Variants in FOXO3 observed in about 807,000 individuals in gnomAD.
FOXO3 encodes the protein forkhead box protein O3.
FOXO3 carries 4 observed loss-of-function variants against 41.9 expected under a neutral mutation model. The observed-to-expected ratio is 0.10, with a 90% CI of 0.05 to 0.22. The LOEUF is 0.22. Ranked by LOEUF, FOXO3 falls within the 10% of genes least tolerant of loss-of-function variation. The pLI, the probability that FOXO3 is intolerant of heterozygous loss-of-function variation, is 1.00. For missense variants in FOXO3, 534 were observed against 906.8 expected (o/e 0.59, Z 5.28); for synonymous variants, 318 against 389.3 (o/e 0.82, Z 2.16).
intron 1 of FOXO3, among the ~76,000 whole-genome samples, chr6:108,662,330 C>T (rs974835969): frequency 6.6e-6 from 1 of 152,208 alleles, no homozygotes; most frequent in African/African-American, 2.4e-5. Flanking sequence ...TGACCCCGAT[C>T]ACCTACTGAA....
intron 1 of FOXO3, among the ~76,000 whole-genome samples, chr6:108,613,024 G>T (rs1359005719): frequency 2.0e-5 from 3 of 152,168 alleles, no homozygotes; most frequent in African/African-American, 7.2e-5. Context: ...AGATCAGATG[G>T]TTTTTCTTTT....
At chr6:108,593,442 A>G (rs1776785307) in intron 1 of FOXO3, among the ~76,000 whole-genome samples, 1 of 150,886 alleles carries the variant, frequency 6.6e-6, no homozygotes, top group Non-Finnish European at 1.5e-5. Context: ...CAGTGGCACG[A>G]TCTTAGCTCA....
At chr6:108,643,036 T>C (rs1778300930) in intron 1 of FOXO3, among the ~76,000 whole-genome samples, 1 of 152,244 alleles carries the variant, frequency 6.6e-6, no homozygotes, top group South Asian at 2.1e-4. Flanking sequence ...TAAGTACATT[T>C]AAGCTTCTTA....
chr6:108,635,474 C>G (rs1323935983), intron 1 of FOXO3, among the ~76,000 whole-genome samples: 1 of 152,128 alleles, frequency 6.6e-6, no homozygotes, highest in Non-Finnish European at 1.5e-5. Context: ...CTAAGATTTG[C>G]TAAAGTCGAG....
chr6:108,648,831 C>CA (rs59589964), intron 1 of FOXO3, among the ~76,000 whole-genome samples: 89 of 148,504 alleles, frequency 6.0e-4, no homozygotes, highest in East Asian at 2.4e-3. Flanking sequence ...CCCATCTCTA[C>CA]AAAAAAAAAT....
At chr6:108,623,210 A>G (rs1454721938) in intron 1 of FOXO3, among the ~76,000 whole-genome samples, 3 of 152,142 alleles carry the variant, frequency 2.0e-5, no homozygotes, top group Non-Finnish European at 2.9e-5. Context: ...TGGGGCAGAG[A>G]CAGCAGGAGC....
At chr6:108,591,793 A>T (rs1200678000) in intron 1 of FOXO3, among the ~76,000 whole-genome samples, 1 of 152,128 alleles carries the variant, frequency 6.6e-6, no homozygotes, top group Non-Finnish European at 1.5e-5. Context: ...AAAGTTACTT[A>T]TAAGTTCTGA....
At chr6:108,640,301 G>A (rs1174839239) in intron 1 of FOXO3, among the ~76,000 whole-genome samples, 3 of 152,164 alleles carry the variant, frequency 2.0e-5, no homozygotes, top group East Asian at 1.9e-4. Context: ...TTCAGTTGTC[G>A]TAATTGGGGC....
chr6:108,663,188 C>T (rs935648462), intron 1 of FOXO3, among the ~76,000 whole-genome samples: 3 of 152,036 alleles, frequency 2.0e-5, no homozygotes, highest in African/African-American at 7.2e-5. Flanking sequence ...GCCTGGGTAA[C>T]GTGGAAAACC....
chr6:108,646,078 C>G (rs897376579), intron 1 of FOXO3, among the ~76,000 whole-genome samples: 1 of 152,106 alleles, frequency 6.6e-6, no homozygotes, highest in Non-Finnish European at 1.5e-5. Flanking sequence ...TATTCTCTGC[C>G]CTCTCATCTC....
At chr6:108,611,675 G>A (rs976168998) in intron 1 of FOXO3, among the ~76,000 whole-genome samples, 5 of 147,166 alleles carry the variant, frequency 3.4e-5, no homozygotes, top group Admixed American at 1.4e-4. Context: ...CTTTGGTGAC[G>A]TGTCTATTGA....
Position 108,668,072 on chromosome 6 carries a change from A to G in FOXO3, c.*34+3183A>G, listed in dbSNP as rs10484254. Among the ~76,000 whole-genome samples, 599 of 152,320 alleles carry G rather than the reference A, an allele frequency of 3.9e-3. 3 individuals carry two copies. The highest frequency in any genetic ancestry group is 0.014 in the African/African-American group (575 of 41,560). On this transcript the variant is annotated intron_variant, in intron 2 of 2. Coordinates refer to ENST00000406360, the MANE Select transcript of FOXO3 (RefSeq NM_001455.4). ...AGACTCTGACACCCTGCTTCTCTCAAATTAACTGTCCCAGCTTCCCAAGAG... is the reference window on the plus strand; with the variant it reads ...AGACTCTGACACCCTGCTTCTCTCAGATTAACTGTCCCAGCTTCCCAAGAG...
chr6:108,596,896 TTTTTC>T (rs1325988203), intron 1 of FOXO3, among the ~76,000 whole-genome samples: 2 of 152,182 alleles, frequency 1.3e-5, no homozygotes, highest in Non-Finnish European at 2.9e-5. Flanking sequence ...TTTTTTTTCT[TTTTTC>T]TTTTTTTTAA....
chr6:108,620,334 T>C (rs1365933498), intron 1 of FOXO3, among the ~76,000 whole-genome samples: 1 of 152,256 alleles, frequency 6.6e-6, no homozygotes, highest in Non-Finnish European at 1.5e-5. Flanking sequence ...ACAATTTTTG[T>C]CTATCGTTTT....
chr6:108,668,391 G>A (rs749658219), intron 2 of FOXO3, among the ~76,000 whole-genome samples: 15 of 152,186 alleles, frequency 9.9e-5, no homozygotes, highest in Non-Finnish European at 2.1e-4. Context: ...CTGCTGGGTC[G>A]TGAAGGGCAC....
chr6:108,643,596 G>T (rs916720708), intron 1 of FOXO3, among the ~76,000 whole-genome samples: 9 of 152,184 alleles, frequency 5.9e-5, no homozygotes, highest in African/African-American at 2.2e-4. Flanking sequence ...TGAGAGGGCT[G>T]TTCAGTGGCA....
intron 1 of FOXO3, among the ~76,000 whole-genome samples, chr6:108,651,840 C>T (rs1424816533): frequency 6.6e-6 from 1 of 152,210 alleles, no homozygotes; most frequent in African/African-American, 2.4e-5. Flanking sequence ...TGAGGTTAAA[C>T]AGAAGTATCC....
At chr6:108,584,323 A>G (rs1014438391) in intron 1 of FOXO3, among the ~76,000 whole-genome samples, 1 of 152,168 alleles carries the variant, frequency 6.6e-6, no homozygotes, top group Admixed American at 6.5e-5. Flanking sequence ...TTCACCTTTG[A>G]TAATGAAATT....
At chr6:108,565,183 G>T (rs1205259518) in intron 1 of FOXO3, among the ~76,000 whole-genome samples, 1 of 152,184 alleles carries the variant, frequency 6.6e-6, no homozygotes, top group East Asian at 1.9e-4. Flanking sequence ...TCCAGTGCCT[G>T]TCAGTAGGGG....
Sources: gnomAD v4.1 joint callset for allele counts (sites outside exome capture counted in the v4.1 genomes callset) on GRCh38, gnomAD v4.1.1 for gene constraint, MANE v1.5 for transcripts, NCBI Gene and HGNC (gene_info 2026-07-23, HGNC 2026-07-21) for gene names.